The following WWOX variants were observed in gnomAD, a reference collection of about 807,000 sequenced individuals.
The protein encoded by WWOX is WW domain containing oxidoreductase.
A neutral mutation model predicts 46.2 loss-of-function variants in WWOX; 69 were observed. The ratio of observed to expected loss-of-function variants is 1.49; its 90% CI spans 1.23 to 1.82. WWOX has a LOEUF of 1.82. Ranked by LOEUF, WWOX falls within the 40% of genes most tolerant of loss-of-function variation. The probability of loss-of-function intolerance (pLI) is 0.00; values close to 1 mark genes in which losing one functional copy is unlikely to be tolerated. For synonymous variants in WWOX, 359 were observed against 202.6 expected (o/e 1.77, Z -6.56); for missense variants, 919 against 542.6 (o/e 1.69, Z -6.89).
chr16:79,040,297 C>G (rs1345146026), intron 8 of WWOX, among the ~76,000 whole-genome samples: 4 of 129,084 alleles, frequency 3.1e-5, no homozygotes, highest in African/African-American at 9.0e-5. Context: ...TTTTTTGAGA[C>G]AAGGTCTCAT....
chr16:78,789,075 G>A (rs755891845), intron 8 of WWOX, among the ~76,000 whole-genome samples: 2 of 152,092 alleles, frequency 1.3e-5, no homozygotes, highest in African/African-American at 4.8e-5. Context: ...ACAAAAGTTT[G>A]GGTGTTGTAT....
intron 8 of WWOX, among the ~76,000 whole-genome samples, chr16:78,550,132 C>A (rs544347795): frequency 6.6e-6 from 1 of 152,198 alleles, no homozygotes; most frequent in Non-Finnish European, 1.5e-5. Flanking sequence ...GGTTCTTTAA[C>A]ATTCTCTTCT....
chr16:78,407,627 G>C (rs1450016646), intron 6 of WWOX, among the ~76,000 whole-genome samples: 1 of 152,096 alleles, frequency 6.6e-6, no homozygotes, highest in East Asian at 1.9e-4. Flanking sequence ...GGTTCCTTGA[G>C]TCGTAATGGG....
At chr16:78,488,349 G>T (rs1369311913) in intron 8 of WWOX, among the ~76,000 whole-genome samples, 1 of 152,144 alleles carries the variant, frequency 6.6e-6, no homozygotes, top group Non-Finnish European at 1.5e-5. Flanking sequence ...AGGTGGCTGA[G>T]TTCATTTTCT....
At position 78,594,044 on chromosome 16, in the gene WWOX, C is replaced by T. The variant is rs572363947; in HGVS notation, c.1056+161292C>T. Reference sequence around the variant, plus strand: ...TGTCAATTGGGAAAATATCGTGAGGCGGAGATGTGAGATGTGATCACGTTT... The same window carrying T: ...TGTCAATTGGGAAAATATCGTGAGGTGGAGATGTGAGATGTGATCACGTTT... On this transcript the variant is annotated intron_variant, in intron 8 of 8. Coordinates refer to ENST00000566780, the MANE Select transcript of WWOX (RefSeq NM_016373.4). 4.1e-4 allele frequency among the ~76,000 whole-genome samples: 63 copies of T among 152,156 alleles called. 1 individual carries two copies. Among genetic ancestry groups the T allele is most frequent in the African/African-American group, 1.0e-3 (42 of 41,530 alleles).
intron 8 of WWOX, among the ~76,000 whole-genome samples, chr16:78,736,809 G>T (rs975875155): frequency 1.3e-5 from 2 of 152,024 alleles, no homozygotes; most frequent in African/African-American, 4.8e-5. Context: ...GAGTCTCACC[G>T]TCTTGCCCTG....
intron 8 of WWOX, among the ~76,000 whole-genome samples, chr16:78,919,709 G>T (rs1006648072): frequency 6.6e-6 from 1 of 151,818 alleles, no homozygotes; most frequent in African/African-American, 2.4e-5. Flanking sequence ...GGAGAGAGGG[G>T]TTTTACCATA....
chr16:78,254,522 T>TTTTTTTTTTGCC (rs2038076196), intron 5 of WWOX, among the ~76,000 whole-genome samples: 1 of 143,774 alleles, frequency 7.0e-6, no homozygotes, highest in Non-Finnish European at 1.5e-5. Flanking sequence ...TTTTTTTTGT[T>TTTTTTTTTTGCC]TGACACAGGG....
intron 8 of WWOX, among the ~76,000 whole-genome samples, chr16:79,173,254 G>T (rs983417476): frequency 2.0e-5 from 3 of 151,840 alleles, no homozygotes. Context: ...TGTGAGAGTG[G>T]CACATTCCAC....
Position 78,651,780 on chromosome 16 carries a change from G to A in WWOX, c.1056+219028G>A, listed in dbSNP as rs182220592. 3.3e-5 allele frequency among the ~76,000 whole-genome samples: 5 copies of A among 152,292 alleles called. No homozygotes were observed. In the East Asian group the frequency reaches 7.7e-4, roughly 24 times the overall value. Reference sequence around the variant, plus strand: ...TTCGTATCAACTTATGCTTTGGAACGAGACACTGTTGGATGGGAATCTGGC... The same window carrying A: ...TTCGTATCAACTTATGCTTTGGAACAAGACACTGTTGGATGGGAATCTGGC... On this transcript the variant is annotated intron_variant, in intron 8 of 8. Transcript: ENST00000566780.
chr16:79,147,398 G>C (rs1597418695), intron 8 of WWOX, among the ~76,000 whole-genome samples: 1 of 152,174 alleles, frequency 6.6e-6, no homozygotes, highest in East Asian at 1.9e-4. Flanking sequence ...CAATTCCGTG[G>C]AGATTCTTCC....
chr16:78,520,032 C>T (rs1046009900), intron 8 of WWOX, among the ~76,000 whole-genome samples: 1 of 152,170 alleles, frequency 6.6e-6, no homozygotes, highest in African/African-American at 2.4e-5. Flanking sequence ...TGTGACCATG[C>T]AGTCATTTCC....
intron 8 of WWOX, among the ~76,000 whole-genome samples, chr16:78,768,593 GAAAAAAA>G (rs34788836): frequency 7.5e-6 from 1 of 133,266 alleles, no homozygotes; most frequent in Admixed American, 7.7e-5. Context: ...TCATCTCGAG[GAAAAAAA>G]AAAAAAAAGG....
chr16:78,103,117 C>T (rs1280102701), intron 1 of WWOX, among the ~76,000 whole-genome samples: 2 of 152,176 alleles, frequency 1.3e-5, no homozygotes, highest in Non-Finnish European at 2.9e-5. Flanking sequence ...GCCTTTCTCC[C>T]ATCTGCTTTC....
rs143848891 is a variant in WWOX at position 78,417,927 on chromosome 16, G to T, written c.606-6943G>T. ...GGGGATGGGTGGGAAAACAGATGAG[G>T]CAACAGAATGAATTATTCCTTAATA... On this transcript the variant is annotated intron_variant, in intron 6 of 8. Transcript: ENST00000566780. Among the ~76,000 whole-genome samples, 610 of 152,278 alleles carry T rather than the reference G, an allele frequency of 4.0e-3. 3 individuals are homozygous for T. The highest frequency in any genetic ancestry group is 0.013 in the African/African-American group (560 of 41,550).
intron 5 of WWOX, among the ~76,000 whole-genome samples, chr16:78,306,182 T>C (rs1048768791): frequency 5.3e-5 from 8 of 152,110 alleles, no homozygotes; most frequent in African/African-American, 1.9e-4. Context: ...GGCTTCTTCA[T>C]CCAAAGAAAG....
rs1417933837 is a variant in WWOX at position 78,917,746 on chromosome 16, C to G, written c.1057-293862C>G. On this transcript the variant is annotated intron_variant, in intron 8 of 8. Transcript: ENST00000566780. Reference sequence around the variant, plus strand: ...TTGGTAGTGCCTCCAGAACCAAACACCATATGTCATAAGGTCTATTAATAA... The same window carrying G: ...TTGGTAGTGCCTCCAGAACCAAACAGCATATGTCATAAGGTCTATTAATAA... Among the ~76,000 whole-genome samples the G allele has an allele frequency of 2.0e-5, 3 of 151,934 alleles. No homozygotes were observed. In the East Asian group the frequency reaches 5.8e-4, roughly 29 times the overall value.
At chr16:78,961,707 G>T (rs2046274309) in intron 8 of WWOX, among the ~76,000 whole-genome samples, 1 of 152,088 alleles carries the variant, frequency 6.6e-6, no homozygotes, top group East Asian at 1.9e-4. Flanking sequence ...CATATTCTGG[G>T]TATCACTTCC....
chr16:78,646,469 C>A (rs750502068), intron 8 of WWOX, among the ~76,000 whole-genome samples: 6 of 152,140 alleles, frequency 3.9e-5, no homozygotes, highest in Non-Finnish European at 7.4e-5. Context: ...ACTCTGTCAC[C>A]CAGGCTGGGG....
Sources: allele counts gnomAD v4.1 joint callset (sites outside exome capture counted in the v4.1 genomes callset), GRCh38; gene constraint gnomAD v4.1.1; transcripts MANE v1.5; gene names NCBI Gene and HGNC (gene_info 2026-07-23, HGNC 2026-07-21).